The following CSMD1 variants were observed in gnomAD, a reference collection of about 807,000 sequenced individuals.
CSMD1 encodes CUB and sushi domain-containing protein 1.
In CSMD1, 213 loss-of-function variants were observed where a neutral mutation model predicts 417.5. The ratio of observed to expected loss-of-function variants is 0.51; its 90% CI spans 0.46 to 0.57. CSMD1 has a LOEUF of 0.57. Among genes scored for constraint, CSMD1 ranks in the 20% least tolerant of loss-of-function variants. The pLI is 0.00. For synonymous variants in CSMD1, 2,862 were observed against 1,736.8 expected (o/e 1.65, Z -16.11); for missense variants, 6,923 against 4,529.7 (o/e 1.53, Z -15.17).
intron 3 of CSMD1, among the ~76,000 whole-genome samples, chr8:4,366,687 G>C (rs1006623192): frequency 1.3e-5 from 2 of 151,844 alleles, no homozygotes; most frequent in Non-Finnish European, 2.9e-5. Context: ...TTACTGATGA[G>C]CGTTTTTTCT....
chr8:2,971,980 C>CAT (rs1180529782), intron 57 of CSMD1, among the ~76,000 whole-genome samples: 1 of 151,696 alleles, frequency 6.6e-6, no homozygotes, highest in African/African-American at 2.4e-5. Flanking sequence ...ATATTATATG[C>CAT]ATATATATAC....
intron 5 of CSMD1, among the ~76,000 whole-genome samples, chr8:3,984,968 T>C (rs1814208926): frequency 6.6e-6 from 1 of 152,072 alleles, no homozygotes; most frequent in Non-Finnish European, 1.5e-5. Flanking sequence ...TGGTGAAGAC[T>C]TGGGAAAGAT....
rs768715867 is a variant in CSMD1 at position 3,399,438 on chromosome 8, C to A, written c.2358G>T (p.Trp786Cys). 6.2e-7 allele frequency: 1 copy of A among 1,609,022 alleles called. No individual in the cohort carries two copies. The highest frequency in any genetic ancestry group is 8.5e-7 in the Non-Finnish European group (1 of 1,177,844). The change falls in exon 16 of 70, where the codon TGG becomes TGT. Residue 786 changes from tryptophan (W) to cysteine (C), a missense_variant. Coordinates refer to ENST00000635120, the MANE Select transcript of CSMD1 (RefSeq NM_033225.6). ...AGTGGCCTGGTTTTGCTTCAATTAT[C>A]CATTCACAATGTAAAGAATCCTTAT... is the stretch of plus-strand genomic sequence containing the variant. ...GYYKDSLHCE[W>C]IIEAKPGHSI...
chr8:4,594,997 A>C (rs891807251), intron 2 of CSMD1, among the ~76,000 whole-genome samples: 2 of 152,168 alleles, frequency 1.3e-5, no homozygotes, highest in Non-Finnish European at 2.9e-5. Context: ...AAAACTAATA[A>C]ATTTTGGGAT....
chr8:3,438,189 A>T (rs1310421569), intron 12 of CSMD1, among the ~76,000 whole-genome samples: 2 of 152,186 alleles, frequency 1.3e-5, no homozygotes, highest in Admixed American at 1.3e-4. Context: ...GAATTTTGAG[A>T]TAATTATAGA....
chr8:4,817,351 A>G (rs1177814977), intron 1 of CSMD1, among the ~76,000 whole-genome samples: 2 of 152,232 alleles, frequency 1.3e-5, no homozygotes, highest in African/African-American at 2.4e-5. Context: ...ATGCTAAGAT[A>G]AAACATCTAT....
At chr8:3,981,631 A>T (rs1813879037) in intron 5 of CSMD1, among the ~76,000 whole-genome samples, 1 of 149,934 alleles carries the variant, frequency 6.7e-6, no homozygotes, top group Non-Finnish European at 1.5e-5. Flanking sequence ...GTTCCCTTTG[A>T]GTTGTCTTTT....
chr8:3,320,086 G>A (rs140467741), intron 23 of CSMD1, among the ~76,000 whole-genome samples: 19 of 152,242 alleles, frequency 1.2e-4, no homozygotes, highest in Admixed American at 7.2e-4. Context: ...TGCCACCAGC[G>A]CACACAGAAG....
intron 3 of CSMD1, among the ~76,000 whole-genome samples, chr8:4,213,721 C>T (rs1247802497): frequency 6.6e-6 from 1 of 152,154 alleles, no homozygotes; most frequent in Non-Finnish European, 1.5e-5. Context: ...TGTGTGATTT[C>T]CTGAAAGGGT....
intron 18 of CSMD1, among the ~76,000 whole-genome samples, chr8:3,376,832 T>A (rs979690198): frequency 3.9e-5 from 6 of 151,996 alleles, no homozygotes; most frequent in African/African-American, 1.4e-4. Context: ...TGTTTAAAGG[T>A]TTAAATATCC....
At position 4,494,195 on chromosome 8, in the gene CSMD1, G is replaced by C. The variant is rs547317385; in HGVS notation, c.303-74130C>G. 5.9e-5 allele frequency among the ~76,000 whole-genome samples: 9 copies of C among 152,272 alleles called. No homozygotes were observed. The South Asian group carries it at 1.0e-3, about 18-fold the overall frequency. On this transcript the variant is annotated intron_variant, in intron 2 of 69. Transcript: ENST00000635120. ...TTCCTGTCAGCCACATAAATGTTAA[G>C]AAACCAGCTCTATCTTCCTTACCAA...
chr8:4,805,000 T>A (rs1218266591), intron 1 of CSMD1, among the ~76,000 whole-genome samples: 1 of 152,166 alleles, frequency 6.6e-6, no homozygotes, highest in Non-Finnish European at 1.5e-5. Flanking sequence ...TAGGATTAAT[T>A]TAAATCTAGT....
chr8:3,941,428 G>A lies in CSMD1; in HGVS notation c.818+56475C>T, dbSNP rs560605373. Among the ~76,000 whole-genome samples, 10 of 152,180 alleles carry A rather than the reference G, an allele frequency of 6.6e-5. 1 individual carries two copies. The East Asian group carries it at 1.7e-3, about 27-fold the overall frequency. ...AAATTGTAAATATTTCTGTCCATCA[G>A]TCTATAAAATTTGATTGATTCCTGA... On this transcript the variant is annotated intron_variant, in intron 5 of 69. Transcript: ENST00000635120.
intron 3 of CSMD1, among the ~76,000 whole-genome samples, chr8:4,304,707 C>G (rs1352164324): frequency 1.3e-5 from 2 of 152,154 alleles, no homozygotes; most frequent in Non-Finnish European, 2.9e-5. Context: ...ATGCCCCTCC[C>G]TACAAGGAGA....
intron 1 of CSMD1, among the ~76,000 whole-genome samples, chr8:4,803,470 G>C (rs992681481): frequency 1.3e-5 from 2 of 152,126 alleles, no homozygotes; most frequent in Non-Finnish European, 2.9e-5. Flanking sequence ...AGGAGGGTTA[G>C]GGGTCAGAAA....
chr8:3,191,019 A>G (rs370997587), intron 33 of CSMD1, among the ~76,000 whole-genome samples: 2 of 152,212 alleles, frequency 1.3e-5, no homozygotes, highest in African/African-American at 4.8e-5. Context: ...TCACTTACAT[A>G]AAATGAGTAT....
chr8:4,383,593 G>C (rs570878085), intron 3 of CSMD1, among the ~76,000 whole-genome samples: 1 of 152,126 alleles, frequency 6.6e-6, no homozygotes, highest in Admixed American at 6.6e-5. Flanking sequence ...CTGAAACATG[G>C]AAGTGTTTAA....
intron 3 of CSMD1, among the ~76,000 whole-genome samples, chr8:4,247,498 C>A (rs763502935): frequency 1.3e-5 from 2 of 152,134 alleles, no homozygotes; most frequent in East Asian, 3.9e-4. Flanking sequence ...CTCATGTTTT[C>A]TTTCGGTGTA....
At chr8:4,358,612 C>T (rs1307564404) in intron 3 of CSMD1, among the ~76,000 whole-genome samples, 2 of 152,136 alleles carry the variant, frequency 1.3e-5, no homozygotes, top group Non-Finnish European at 2.9e-5. Flanking sequence ...AATAGTCTAA[C>T]AGGGTATAAC....
Sources: allele counts gnomAD v4.1 joint callset (sites outside exome capture counted in the v4.1 genomes callset), GRCh38; gene constraint gnomAD v4.1.1; transcripts MANE v1.5; gene names NCBI Gene and HGNC (gene_info 2026-07-23, HGNC 2026-07-21).